SYTL3: variants seen among roughly 807,000 people sequenced by gnomAD.
SYTL3 encodes synaptotagmin-like protein 3.
Under a neutral mutation model 82.1 loss-of-function variants are expected in SYTL3, and 88 were observed. The observed-to-expected ratio is 1.07, with a 90% CI of 0.90 to 1.28. The LOEUF (loss-of-function observed/expected upper bound fraction) is 1.28, where lower values mean the gene tolerates loss of function less well. SYTL3 is among the 50% of genes most tolerant of loss of function. The probability of loss-of-function intolerance (pLI) is 0.00; values close to 1 mark genes in which losing one functional copy is unlikely to be tolerated. For synonymous variants in SYTL3, 311 were observed against 289.4 expected (o/e 1.07, Z -0.76); for missense variants, 831 against 757.6 (o/e 1.10, Z -1.14).
intron 12 of SYTL3, among the ~76,000 whole-genome samples, chr6:158,749,770 G>T (rs541685708): frequency 6.6e-6 from 1 of 152,242 alleles, no homozygotes; most frequent in Non-Finnish European, 1.5e-5. Flanking sequence ...TTACAGGCAT[G>T]AGCCACCACA....
chr6:158,655,979 G>C (rs1211129485), intron 2 of SYTL3, among the ~76,000 whole-genome samples: 1 of 152,200 alleles, frequency 6.6e-6, no homozygotes, highest in East Asian at 1.9e-4. Context: ...GGTCTTGAAT[G>C]AGGTCAGTAT....
intron 11 of SYTL3, among the ~76,000 whole-genome samples, chr6:158,727,184 A>AT (rs1470297922): frequency 6.7e-6 from 1 of 150,138 alleles, no homozygotes; most frequent in Non-Finnish European, 1.5e-5. Context: ...TTATTTATTT[A>AT]TTTTTTGAGA....
intron 6 of SYTL3, among the ~76,000 whole-genome samples, chr6:158,703,812 ATATTATTATCATTATTATTATTAT>A: frequency 8.2e-6 from 1 of 122,656 alleles, no homozygotes; most frequent in Non-Finnish European, 1.8e-5. Flanking sequence ...AGTGGGTTTT[ATATTATTATCATTATTATTATTAT>A]TATTATTATT....
At chr6:158,645,239 ATG>A (rs1787361738), upstream of SYTL3, among the ~76,000 whole-genome samples, 2 of 152,144 alleles carry the variant, frequency 1.3e-5, no homozygotes, top group African/African-American at 4.8e-5. Flanking sequence ...TTCCAGGTAA[ATG>A]AGAATTTTTC....
In SYTL3 at chr6:158,665,382, C is replaced by G. The variant is rs1562349728; in HGVS notation, c.111-13C>G. 6.4e-7 allele frequency: 1 copy of G among 1,565,726 alleles called. No homozygotes were observed. Among genetic ancestry groups the G allele is most frequent in the African/African-American group, 1.4e-5 (1 of 73,856 alleles). ...CCATCTAATACTATCTTCTTTAACT[C>G]TGAGGGCTGCAGGAAACTGAAAACA... On this transcript the variant is annotated splice_polypyrimidine_tract_variant and intron_variant, in intron 4 of 17. Transcript: ENST00000611299.
At chr6:158,677,117 C>T (rs939965388) in intron 5 of SYTL3, among the ~76,000 whole-genome samples, 8 of 152,140 alleles carry the variant, frequency 5.3e-5, no homozygotes, top group African/African-American at 1.9e-4. Flanking sequence ...ATATGTTTAT[C>T]ATGGCCCTAC....
At chr6:158,732,051 T>C (rs776856036) in intron 11 of SYTL3, among the ~76,000 whole-genome samples, 1 of 152,192 alleles carries the variant, frequency 6.6e-6, no homozygotes, top group South Asian at 2.1e-4. Context: ...TAAGTTCCTT[T>C]AAGAATACTA....
At chr6:158,746,055 C>T (rs1787601825) in intron 12 of SYTL3, among the ~76,000 whole-genome samples, 1 of 152,098 alleles carries the variant, frequency 6.6e-6, no homozygotes. Flanking sequence ...TGAGGGCCCC[C>T]TTTCTGGTTC....
intron 6 of SYTL3, among the ~76,000 whole-genome samples, chr6:158,707,022 A>G (rs888865732): frequency 2.0e-5 from 3 of 152,236 alleles, no homozygotes; most frequent in Non-Finnish European, 4.4e-5. Context: ...TCAGTCTACA[A>G]TGCAATGATT....
intron 11 of SYTL3, among the ~76,000 whole-genome samples, chr6:158,730,268 A>T (rs951209295): frequency 1.3e-5 from 2 of 152,264 alleles, no homozygotes; most frequent in African/African-American, 4.8e-5. Context: ...GACAAAACAC[A>T]GCAGCGGGGA....
At chr6:158,647,573 T>C (rs1787561502), upstream of SYTL3, among the ~76,000 whole-genome samples, 1 of 152,264 alleles carries the variant, frequency 6.6e-6, no homozygotes, top group Non-Finnish European at 1.5e-5. Flanking sequence ...TGCAGTGATG[T>C]GGTATTATAT....
At chr6:158,676,619 A>G (rs1778060998) in intron 5 of SYTL3, among the ~76,000 whole-genome samples, 1 of 152,158 alleles carries the variant, frequency 6.6e-6, no homozygotes, top group Non-Finnish European at 1.5e-5. Flanking sequence ...TGAACAGGCA[A>G]CCTACAGAAT....
chr6:158,742,567 AT>A (rs142084166), intron 11 of SYTL3, among the ~76,000 whole-genome samples: 4,007 of 144,320 alleles, frequency 0.028, 162 homozygotes, highest in African/African-American at 0.093. Flanking sequence ...TGCTGGAAGC[AT>A]TTTTTTTTTT....
At chr6:158,723,914 CACGTGTCT>C (rs1276263327) in intron 10 of SYTL3, among the ~76,000 whole-genome samples, 4 of 152,286 alleles carry the variant, frequency 2.6e-5, no homozygotes, top group Non-Finnish European at 4.4e-5. Flanking sequence ...GATCTGTGTC[CACGTGTCT>C]ACGTGTCTGT....
rs6929012 is a variant in SYTL3, at chr6:158,762,081, G to A, written c.1420G>A (p.Asp474Asn). ...RKLQEAQEGTDQPSLHGQLCL... is the reference protein window; with the variant it reads ...RKLQEAQEGTNQPSLHGQLCL... ...AATACTGGCTTTCCTTCCAGGGACA[G>A]ATCAGCCATCACTTCATGGTCAACT... Residue 474 changes from aspartate to asparagine, a missense_variant, in exon 16 of 18, where the codon GAT (aspartate) becomes AAT (asparagine). Asp to Asn is a conservative substitution (Grantham distance 23). Transcript: ENST00000611299. 1.3e-3 allele frequency: 2,045 copies of A among 1,613,308 alleles called. 25 individuals carry two copies. The African/African-American group carries it at 0.024, about 19-fold the overall frequency.
intron 11 of SYTL3, among the ~76,000 whole-genome samples, chr6:158,733,560 C>T (rs1000007121): frequency 1.3e-5 from 2 of 151,872 alleles, no homozygotes; most frequent in African/African-American, 4.8e-5. Flanking sequence ...ATCTCCTGAC[C>T]TCGTGATCCG....
chr6:158,649,693 G>T (rs1787763563), upstream of SYTL3, among the ~76,000 whole-genome samples: 1 of 152,198 alleles, frequency 6.6e-6, no homozygotes, highest in African/African-American at 2.4e-5. Context: ...TTGAGATGTG[G>T]TTAGTCATTT....
intron 11 of SYTL3, among the ~76,000 whole-genome samples, chr6:158,727,623 C>G (rs950851711): frequency 2.0e-5 from 3 of 152,020 alleles, no homozygotes; most frequent in African/African-American, 7.3e-5. Flanking sequence ...TCTTCACCCA[C>G]CAGGCCTCGA....
intron 5 of SYTL3, among the ~76,000 whole-genome samples, chr6:158,680,774 A>G (rs531098639): frequency 5.9e-5 from 9 of 152,188 alleles, no homozygotes; most frequent in African/African-American, 1.9e-4. Context: ...GAAATTCTTA[A>G]ATGCTCTTTC....
Sources: gnomAD v4.1 joint callset for allele counts (sites outside exome capture counted in the v4.1 genomes callset) on GRCh38, gnomAD v4.1.1 for gene constraint, MANE v1.5 for transcripts, NCBI Gene and HGNC (gene_info 2026-07-23, HGNC 2026-07-21) for gene names.